The following SHROOM3 variants were observed in gnomAD, a reference collection of about 807,000 sequenced individuals.
SHROOM3 encodes the protein shroom family member 3, also known as protein Shroom3.
A neutral mutation model predicts 138.6 loss-of-function variants in SHROOM3; 47 were observed. That is an observed-to-expected ratio of 0.34 (90% CI 0.27 to 0.43). The LOEUF is 0.43. Ranked by LOEUF, SHROOM3 falls within the 20% of genes least tolerant of loss-of-function variation. The probability of loss-of-function intolerance (pLI) is 1.00; values close to 1 mark genes in which losing one functional copy is unlikely to be tolerated. For synonymous variants in SHROOM3, 1,062 were observed against 1,063.3 expected (o/e 1.00, Z 0.02); for missense variants, 2,491 against 2,596.5 (o/e 0.96, Z 0.88).
Position 76,781,072 on chromosome 4 carries a change from C to T in SHROOM3, c.*1895C>T, listed in dbSNP as rs993341197. ...CAGTTCCCAACACTCTTCGAGATGA[C>T]CATTTTTCGGGATTTGACTGGGGAA... On this transcript the variant is annotated 3_prime_UTR_variant, in exon 11 of 11. Coordinates refer to ENST00000296043, the MANE Select transcript of SHROOM3 (RefSeq NM_020859.4). The T allele has an allele frequency of 1.4e-4, 21 of 152,292 alleles. No homozygotes were observed. Among genetic ancestry groups the T allele is most frequent in the African/African-American group, 5.1e-4 (21 of 41,548 alleles). 9.4% of individuals were successfully genotyped at this position (152,292 alleles called of 1,614,324 possible).
chr4:76,770,940 A>T, intron 10 of SHROOM3, 42 bp downstream of exon 10: 2 of 1,612,884 alleles, frequency 1.2e-6, no homozygotes, highest in Non-Finnish European at 1.7e-6. Flanking sequence ...TCTCCCTCAA[A>T]GCCCACATAC....
At chr4:76,500,735 A>G (rs1480955287) in intron 1 of SHROOM3, among the ~76,000 whole-genome samples, 2 of 152,038 alleles carry the variant, frequency 1.3e-5, no homozygotes, top group African/African-American at 4.8e-5. Context: ...TCGTGCGTTC[A>G]TTGGCCATTT....
At chr4:76,544,358 G>C (rs927400398) in intron 1 of SHROOM3, among the ~76,000 whole-genome samples, 2 of 144,342 alleles carry the variant, frequency 1.4e-5, no homozygotes, top group African/African-American at 5.0e-5. Context: ...TAACCATGTT[G>C]ACTTTTTGGG....
Position 76,739,575 on chromosome 4 carries a change from T to C in SHROOM3, c.1402T>C (p.Tyr468His), listed in dbSNP as rs1478170043. The C allele has an allele frequency of 6.2e-7, 1 of 1,614,210 alleles. No individual in the cohort carries two copies. Among genetic ancestry groups the C allele is most frequent in the Non-Finnish European group, 8.5e-7 (1 of 1,180,032 alleles). ...PGQPLLPTSI[Y>H]PVPSLEPHFA... is the part of the protein sequence containing the mutation. ...CCAACCTCTGCTGCCGACCAGCATC[T>C]ACCCGGTACCTTCCCTGGAGCCACA... Residue 468 changes from tyrosine to histidine, a missense_variant, in exon 5 of 11, where the codon TAC becomes CAC. Tyr to His is a moderately conservative substitution (Grantham distance 83). Transcript: ENST00000296043.
rs781409454 is a variant in SHROOM3 at position 76,741,201 on chromosome 4, C to G, written c.3028C>G (p.Arg1010Gly). 1.2e-6 allele frequency: 2 copies of G among 1,602,970 alleles called. No individual in the cohort carries two copies. Among genetic ancestry groups the G allele is most frequent in the African/African-American group, 1.3e-5 (1 of 74,754 alleles). The change falls in exon 5 of 11, where the codon CGC (arginine) becomes GGC (glycine). Residue 1010 changes from arginine to glycine, a missense_variant. By Grantham distance (125) the Arg-to-Gly change is moderately radical. Around this residue, in one of 4 missense-constraint regions of SHROOM3, gnomAD observed 1,733 missense variants for 1,661.6 expected, o/e 1.04. Transcript: ENST00000296043. This position sits in a 1 kb window ranked among gnomAD's most constrained non-coding sequence, Gnocchi z 6.2. ...PPAARRGARR[R>G]LTPEQKKRSY... ...TGCCGCCCGGAGAGGTGCTCGCCGGCGCCTGACTCCCGAGCAGAAGAAGCG... is the reference window on the plus strand; with the variant it reads ...TGCCGCCCGGAGAGGTGCTCGCCGGGGCCTGACTCCCGAGCAGAAGAAGCG...
At chr4:76,571,653 G>A (rs1029447694) in intron 2 of SHROOM3, among the ~76,000 whole-genome samples, 16 of 152,064 alleles carry the variant, frequency 1.1e-4, no homozygotes, top group African/African-American at 3.4e-4. Flanking sequence ...ACAAAACAAA[G>A]CAAAACCCCA....
Position 76,729,591 on chromosome 4 carries a change from T to G in SHROOM3, c.456-1213T>G, listed in dbSNP as rs376805727. On this transcript the variant is annotated intron_variant, in intron 3 of 10. Coordinates refer to ENST00000296043, the MANE Select transcript of SHROOM3 (RefSeq NM_020859.4). ...CTATATTTTTAAAGTTATTTTAGAT[T>G]AAGATGCAGTTAATCCAGCCTCTGA... Among the ~76,000 whole-genome samples the G allele has an allele frequency of 5.9e-5, 9 of 152,336 alleles. No individual in the cohort carries two copies. In the East Asian group the frequency reaches 1.5e-3, roughly 26 times the overall value.
At chr4:76,736,260 A>ATGCCATTGAG (rs1273868301) in intron 4 of SHROOM3, among the ~76,000 whole-genome samples, 4 of 152,106 alleles carry the variant, frequency 2.6e-5, no homozygotes, top group South Asian at 2.1e-4. Flanking sequence ...GACATATGCT[A>ATGCCATTGAG]TGCCATTGAG....
chr4:76,447,041 G>C (rs368972191), intron 1 of SHROOM3, among the ~76,000 whole-genome samples: 39 of 152,200 alleles, frequency 2.6e-4, no homozygotes, highest in African/African-American at 8.9e-4. Context: ...GGAACTTCAC[G>C]TACAGTTGTT....
rs139975761 is a variant in SHROOM3, at chr4:76,678,951, C to T, written c.324-31205C>T. Among the ~76,000 whole-genome samples, 105 of 152,320 alleles carry T rather than the reference C, an allele frequency of 6.9e-4. No homozygotes were observed. The East Asian group carries it at 0.018, about 26-fold the overall frequency. On this transcript the variant is annotated intron_variant, in intron 2 of 10. Coordinates refer to ENST00000296043, the MANE Select transcript of SHROOM3 (RefSeq NM_020859.4). ...TGCTGGGATTACAGGCATGAGCCAC[C>T]CCACCCAGCCGAGCAATTTTTTTTA... is the stretch of plus-strand genomic sequence containing the variant.
intron 1 of SHROOM3, among the ~76,000 whole-genome samples, chr4:76,481,285 GA>G (rs1731603487): frequency 6.6e-6 from 1 of 152,086 alleles, no homozygotes; most frequent in African/African-American, 2.4e-5. Flanking sequence ...AATAAAAAAT[GA>G]TAAAGGGGAT....
At chr4:76,770,931 C>T (rs1043617752) in intron 10 of SHROOM3, 33 bp downstream of exon 10, 2 of 1,613,820 alleles carry the variant, frequency 1.2e-6, no homozygotes, top group African/African-American at 1.3e-5. Context: ...TCAACAAGTT[C>T]TCCCTCAAAG....
chr4:76,519,440 T>C (rs1732517173), intron 1 of SHROOM3, among the ~76,000 whole-genome samples: 1 of 152,074 alleles, frequency 6.6e-6, no homozygotes, highest in Non-Finnish European at 1.5e-5. Context: ...AATAGAAAAA[T>C]AACAATATAA....
At chr4:76,696,521 A>T (rs1467415880) in intron 2 of SHROOM3, among the ~76,000 whole-genome samples, 2 of 152,136 alleles carry the variant, frequency 1.3e-5, no homozygotes. Flanking sequence ...GGCTTGACAT[A>T]TCAGGGTTGC....
intron 2 of SHROOM3, among the ~76,000 whole-genome samples, chr4:76,565,144 G>A (rs1733694821): frequency 6.9e-6 from 1 of 144,248 alleles, no homozygotes; most frequent in Non-Finnish European, 1.5e-5. Flanking sequence ...CTGGGTGACA[G>A]GGCGAGACTC....
At position 76,741,162 on chromosome 4, in the gene SHROOM3, A is replaced by T; in HGVS notation, c.2989A>T (p.Arg997Trp). The T allele has an allele frequency of 6.3e-7, 1 of 1,579,226 alleles. No homozygotes were observed. Residue 997 changes from arginine to tryptophan, a missense_variant, in exon 5 of 11, where the codon AGG becomes TGG. Physicochemically the swap from Arg to Trp is moderately radical, Grantham distance 101. This residue lies in a region of SHROOM3 where 1,733 missense variants were observed against 1,661.6 expected (regional missense o/e 1.04). Transcript: ENST00000296043. This position sits in a 1 kb window ranked among gnomAD's most constrained non-coding sequence, Gnocchi z 6.2. ...GACCCCTGCTGAGGGCGACCTGGCCAGGCCCGTGCCCCCTGCCGCCCGGAG... is the reference window on the plus strand; with the variant it reads ...GACCCCTGCTGAGGGCGACCTGGCCTGGCCCGTGCCCCCTGCCGCCCGGAG... ...SVTPAEGDLA[R>W]PVPPAARRGA...
At chr4:76,446,087 G>A (rs1730798697) in intron 1 of SHROOM3, among the ~76,000 whole-genome samples, 1 of 152,086 alleles carries the variant, frequency 6.6e-6, no homozygotes, top group Non-Finnish European at 1.5e-5. Flanking sequence ...TCAGTAACTT[G>A]ACTGAGGTCC....
At chr4:76,726,814 C>T (rs1372213132) in intron 3 of SHROOM3, among the ~76,000 whole-genome samples, 2 of 152,294 alleles carry the variant, frequency 1.3e-5, no homozygotes, top group Admixed American at 1.3e-4. Context: ...TATCAGTAAA[C>T]GTTGTCTCAC....
In SHROOM3 at chr4:76,690,507, G is replaced by C. The variant is rs183733844; in HGVS notation, c.324-19649G>C. Among the ~76,000 whole-genome samples, 74 of 152,298 alleles carry C rather than the reference G, an allele frequency of 4.9e-4. 2 individuals are homozygous for C. Among genetic ancestry groups the C allele is most frequent in the Admixed American group, 4.6e-3 (71 of 15,304 alleles). On this transcript the variant is annotated intron_variant, in intron 2 of 10. Transcript: ENST00000296043. ...GCTGTGATATCGGGGGGTGCAACAG[G>C]AAGTCCTAGCACAGAGGCTGCCAGA...
Sources: allele counts gnomAD v4.1 joint callset (sites outside exome capture counted in the v4.1 genomes callset), GRCh38; gene constraint gnomAD v4.1.1; regional missense constraint gnomAD v4.1.1; non-coding constraint Gnocchi (gnomAD v3.1); transcripts MANE v1.5; gene names NCBI Gene and HGNC (gene_info 2026-07-23, HGNC 2026-07-21).